HSD17B4: variants seen among roughly 807,000 people sequenced by gnomAD.
The protein encoded by HSD17B4 is peroxisomal multifunctional enzyme type 2.
In HSD17B4, 70 loss-of-function variants were observed where a neutral mutation model predicts 101.0. The observed-to-expected ratio is 0.69, with a 90% CI of 0.57 to 0.85. HSD17B4 has a LOEUF of 0.85. HSD17B4 is among the 40% of genes least tolerant of loss of function. The probability of loss-of-function intolerance (pLI) is 0.00; values close to 1 mark genes in which losing one functional copy is unlikely to be tolerated. For missense variants in HSD17B4, 984 were observed against 892.4 expected, an observed-to-expected ratio of 1.10 and a Z score of -1.31; for synonymous variants, 347 against 297.1, an observed-to-expected ratio of 1.17 and a Z score of -1.73.
intron 13 of HSD17B4, among the ~76,000 whole-genome samples, chr5:119,499,976 T>C (rs1751009875): frequency 6.6e-6 from 1 of 151,994 alleles, no homozygotes; most frequent in Admixed American, 6.6e-5. Context: ...TTTGGAACAG[T>C]AATAGGGCCA....
chr5:119,490,848 G>A lies in HSD17B4; in HGVS notation c.715-1252G>A, dbSNP rs1018418153. 3.9e-5 allele frequency among the ~76,000 whole-genome samples: 6 copies of A among 152,156 alleles called. 1 individual carries two copies. The South Asian group carries it at 1.0e-3, about 26-fold the overall frequency. ...CTCCCAAAGTCCTGGGATTATAGGC[G>A]TGAGCTACCGCACCTGGCCTAGATA... is the stretch of plus-strand genomic sequence containing the variant. On this transcript the variant is annotated intron_variant, in intron 9 of 23. Transcript: ENST00000510025.
At chr5:119,524,334 G>C (rs1417762101) in intron 17 of HSD17B4, among the ~76,000 whole-genome samples, 1 of 151,986 alleles carries the variant, frequency 6.6e-6, no homozygotes, top group Non-Finnish European at 1.5e-5. Flanking sequence ...AAAATAATCA[G>C]TAGTTTAAAA....
intron 2 of HSD17B4, among the ~76,000 whole-genome samples, chr5:119,457,573 C>T (rs904557419): frequency 6.6e-6 from 1 of 152,144 alleles, no homozygotes; most frequent in Non-Finnish European, 1.5e-5. Flanking sequence ...ATTTGGACAG[C>T]GAGTATATAT....
At chr5:119,480,689 C>T (rs1300482531) in intron 8 of HSD17B4, among the ~76,000 whole-genome samples, 2 of 152,028 alleles carry the variant, frequency 1.3e-5, no homozygotes, top group African/African-American at 2.4e-5. Context: ...CCGGTCTGAC[C>T]AAAATTTATT....
At chr5:119,527,604 G>A (rs1382713906) in intron 20 of HSD17B4, among the ~76,000 whole-genome samples, 2 of 151,840 alleles carry the variant, frequency 1.3e-5, no homozygotes, top group Non-Finnish European at 1.5e-5. Flanking sequence ...GTGAAAACAT[G>A]ACAGAAATCT....
chr5:119,512,137 G>T (rs2126824801), intron 16 of HSD17B4, among the ~76,000 whole-genome samples: 1 of 152,234 alleles, frequency 6.6e-6, no homozygotes, highest in African/African-American at 2.4e-5. Flanking sequence ...CTTAAAGATA[G>T]ATTGATAGTG....
At chr5:119,496,202 C>T (rs1750634698) in intron 11 of HSD17B4, among the ~76,000 whole-genome samples, 1 of 152,262 alleles carries the variant, frequency 6.6e-6, no homozygotes, top group Non-Finnish European at 1.5e-5. Flanking sequence ...CTCCATCAGA[C>T]AAATTGCATG....
intron 2 of HSD17B4, among the ~76,000 whole-genome samples, chr5:119,461,524 T>G (rs962499753): frequency 5.3e-5 from 8 of 152,206 alleles, no homozygotes. Context: ...TGGTACCTTG[T>G]ACTTAGTTAT....
At chr5:119,500,334 A>G (rs1168499979) in intron 13 of HSD17B4, among the ~76,000 whole-genome samples, 4 of 151,776 alleles carry the variant, frequency 2.6e-5, no homozygotes, top group African/African-American at 7.3e-5. Context: ...GTGCATATAT[A>G]TACATTGTAT....
chr5:119,507,477 T>C (rs1751759711), intron 15 of HSD17B4, among the ~76,000 whole-genome samples: 1 of 152,168 alleles, frequency 6.6e-6, no homozygotes, highest in Admixed American at 6.5e-5. Context: ...GGTGAAGATA[T>C]GATGCTTAAA....
intron 22 of HSD17B4, 54 bp from the exon 23 acceptor site, chr5:119,536,369 C>T: frequency 1.9e-6 from 3 of 1,547,316 alleles, no homozygotes; most frequent in South Asian, 2.2e-5. Flanking sequence ...TTATTTTACC[C>T]TCATTTTGTT....
intron 17 of HSD17B4, among the ~76,000 whole-genome samples, chr5:119,518,762 A>G (rs946680564): frequency 6.6e-6 from 1 of 152,136 alleles, no homozygotes; most frequent in Non-Finnish European, 1.5e-5. Context: ...AAAACTGGCA[A>G]TATATATTTT....
chr5:119,459,650 G>T (rs1004236065), intron 2 of HSD17B4, among the ~76,000 whole-genome samples: 8 of 152,126 alleles, frequency 5.3e-5, no homozygotes, highest in Non-Finnish European at 8.8e-5. Context: ...CTCCTTTCTG[G>T]TGGGGACTCT....
At chr5:119,489,517 G>T (rs1013898992) in intron 9 of HSD17B4, among the ~76,000 whole-genome samples, 1 of 152,128 alleles carries the variant, frequency 6.6e-6, no homozygotes, top group African/African-American at 2.4e-5. Flanking sequence ...GGTTTGATCT[G>T]TTCGGTCAAA....
chr5:119,463,584 T>C (rs1018831038), intron 2 of HSD17B4, among the ~76,000 whole-genome samples: 4 of 151,306 alleles, frequency 2.6e-5, no homozygotes, highest in African/African-American at 9.7e-5. Flanking sequence ...TCATTGTGAT[T>C]TTGATTTGCA....
chr5:119,530,799 G>T (rs1214452250), intron 21 of HSD17B4, among the ~76,000 whole-genome samples: 3 of 128,990 alleles, frequency 2.3e-5, no homozygotes, highest in Non-Finnish European at 4.7e-5. Flanking sequence ...GTTGCAGTGA[G>T]CCAAGATTGC....
chr5:119,455,869 T>C (rs1754582658), intron 1 of HSD17B4, among the ~76,000 whole-genome samples: 1 of 152,128 alleles, frequency 6.6e-6, no homozygotes, highest in Non-Finnish European at 1.5e-5. Context: ...ACCTGAAGTA[T>C]GGAAGCTGCC....
Position 119,526,018 on chromosome 5 carries a change from A to C in HSD17B4, c.1675A>C (p.Ile559Leu). 6.5e-7 allele frequency: 1 copy of C among 1,545,810 alleles called. No individual in the cohort carries two copies. The highest frequency in any genetic ancestry group is 8.9e-7 in the Non-Finnish European group (1 of 1,118,280). The change falls in exon 19 of 24, where the codon ATT becomes CTT. Residue 559 changes from isoleucine (I) to leucine (L), a missense_variant. Physicochemically the swap from Ile to Leu is conservative, Grantham distance 5. Transcript: ENST00000510025. Reference sequence around the variant, plus strand: ...TAATGATGTGTCAAGATTCAAGGCAATTAAGGTAAATGTGTATTACTACGT... The same window carrying C: ...TAATGATGTGTCAAGATTCAAGGCACTTAAGGTAAATGTGTATTACTACGT... Reference protein sequence around the residue: ...ADNDVSRFKAIKARFAKPVYP... With the variant: ...ADNDVSRFKALKARFAKPVYP...
intron 1 of HSD17B4, 118 bp from the exon 2 acceptor site, chr5:119,456,197 G>A (rs1399185022): frequency 1.3e-6 from 1 of 741,820 alleles, no homozygotes; most frequent in African/African-American, 1.7e-5. Context: ...TAGGTTGAGA[G>A]TATCATTAAA....
Sources: gnomAD v4.1 joint callset for allele counts (sites outside exome capture counted in the v4.1 genomes callset) on GRCh38, gnomAD v4.1.1 for gene constraint, MANE v1.5 for transcripts, NCBI Gene and HGNC (gene_info 2026-07-23, HGNC 2026-07-21) for gene names.